Variants in CALN1 observed in about 807,000 individuals in gnomAD.
CALN1 encodes calneuron 1.
In CALN1, 17 loss-of-function variants were observed where a neutral mutation model predicts 30.6. The observed-to-expected ratio is 0.56, with a 90% CI of 0.38 to 0.83. The LOEUF (loss-of-function observed/expected upper bound fraction) is 0.83, where lower values mean the gene tolerates loss of function less well. Among genes scored for constraint, CALN1 ranks in the 40% least tolerant of loss-of-function variants. The pLI, the probability that CALN1 is intolerant of heterozygous loss-of-function variation, is 0.00. For synonymous variants in CALN1, 156 were observed against 131.4 expected (o/e 1.19, Z -1.28); for missense variants, 291 against 354.9 (o/e 0.82, Z 1.45).
At chr7:72,285,197 T>C (rs1798003834) in intron 2 of CALN1, among the ~76,000 whole-genome samples, 1 of 152,154 alleles carries the variant, frequency 6.6e-6, no homozygotes, top group Admixed American at 6.6e-5. Flanking sequence ...TTTTGTATAT[T>C]TTTGCTTCTT....
At chr7:72,459,984 T>C in the CALN1 span, among the ~76,000 whole-genome samples, 5 of 152,154 alleles carry the variant, frequency 3.3e-5, no homozygotes, top group East Asian at 5.8e-4. Flanking sequence ...ATAAGAAGCA[T>C]GGAGCCAACG....
At chr7:72,288,117 T>C (rs1208774547) in intron 2 of CALN1, among the ~76,000 whole-genome samples, 1 of 152,126 alleles carries the variant, frequency 6.6e-6, no homozygotes, top group African/African-American at 2.4e-5. Context: ...CTCCTCTGAT[T>C]GCGGTCAAGA....
intron 3 of CALN1, among the ~76,000 whole-genome samples, chr7:72,176,318 A>T (rs889751238): frequency 2.0e-5 from 3 of 152,200 alleles, no homozygotes; most frequent in South Asian, 2.1e-4. Context: ...GAATTCTGCA[A>T]GACTAGGCAT....
chr7:72,422,407 A>C (rs779704643), intron 1 of CALN1, among the ~76,000 whole-genome samples: 1 of 152,168 alleles, frequency 6.6e-6, no homozygotes, highest in Non-Finnish European at 1.5e-5. Context: ...GAGTAACCAC[A>C]AGCCCCCCTG....
At chr7:72,151,823 G>C (rs1268952130) in intron 3 of CALN1, among the ~76,000 whole-genome samples, 1 of 151,918 alleles carries the variant, frequency 6.6e-6, no homozygotes, top group Non-Finnish European at 1.5e-5. Context: ...GAGATCCTTT[G>C]ATCTCAGCCT....
At chr7:72,017,967 G>T (rs897637276) in intron 5 of CALN1, among the ~76,000 whole-genome samples, 4 of 152,124 alleles carry the variant, frequency 2.6e-5, no homozygotes, top group African/African-American at 9.7e-5. Flanking sequence ...TAACAGAAGT[G>T]TTGGCTGGCC....
At chr7:72,020,274 C>A (rs1319912575) in intron 5 of CALN1, among the ~76,000 whole-genome samples, 1 of 152,026 alleles carries the variant, frequency 6.6e-6, no homozygotes, top group Non-Finnish European at 1.5e-5. Context: ...GGGAAAGCAA[C>A]CTTTCTGCTT....
intron 3 of CALN1, among the ~76,000 whole-genome samples, chr7:72,125,659 A>G (rs931765975): frequency 5.9e-5 from 9 of 152,028 alleles, no homozygotes; most frequent in Admixed American, 2.6e-4. Context: ...TGTTACATGG[A>G]TAAGTTCTTT....
At chr7:71,842,283 C>T (rs866449855) in intron 5 of CALN1, among the ~76,000 whole-genome samples, 2 of 152,220 alleles carry the variant, frequency 1.3e-5, no homozygotes. Flanking sequence ...GCAATACTAT[C>T]CTGCCCTGCG....
intron 3 of CALN1, among the ~76,000 whole-genome samples, chr7:72,268,822 C>CACACACACACACAT (rs1796768895): frequency 6.6e-6 from 1 of 151,462 alleles, no homozygotes. Context: ...CACACACACA[C>CACACACACACACAT]ACACAGAACT....
chr7:72,192,033 T>G (rs1790646226), intron 3 of CALN1, among the ~76,000 whole-genome samples: 1 of 152,032 alleles, frequency 6.6e-6, no homozygotes, highest in African/African-American at 2.4e-5. Flanking sequence ...GCTTCCAGAG[T>G]GCACCTGAAT....
At chr7:72,497,474 G>A in the CALN1 span, among the ~76,000 whole-genome samples, 1 of 152,100 alleles carries the variant, frequency 6.6e-6, no homozygotes, top group Non-Finnish European at 1.5e-5. Flanking sequence ...ACAAACTTTA[G>A]AGTTAAAATC....
At chr7:72,396,258 G>GAAAGAAAAAA (rs1805942961) in intron 2 of CALN1, among the ~76,000 whole-genome samples, 8 of 109,700 alleles carry the variant, frequency 7.3e-5, no homozygotes, top group Non-Finnish European at 1.1e-4. Context: ...AAAAAAAAAA[G>GAAAGAAAAAA]AAAGAAAAAG....
chr7:72,232,902 G>T (rs1267659680), intron 3 of CALN1, among the ~76,000 whole-genome samples: 3 of 152,190 alleles, frequency 2.0e-5, no homozygotes, highest in Non-Finnish European at 2.9e-5. Flanking sequence ...ATTGGGTATA[G>T]TGATGACAGT....
At chr7:71,835,301 G>A (rs1789540108) in intron 5 of CALN1, among the ~76,000 whole-genome samples, 1 of 152,160 alleles carries the variant, frequency 6.6e-6, no homozygotes, top group African/African-American at 2.4e-5. Context: ...CCTTCTGTTT[G>A]TCTTACCAAA....
intron 3 of CALN1, among the ~76,000 whole-genome samples, chr7:72,257,414 C>T (rs2129552533): frequency 6.6e-6 from 1 of 151,990 alleles, no homozygotes; most frequent in Middle Eastern, 3.4e-3. Context: ...CAATGAGATG[C>T]CACCTTACTC....
chr7:72,023,411 T>C (rs901551500), intron 5 of CALN1, among the ~76,000 whole-genome samples: 3 of 152,222 alleles, frequency 2.0e-5, no homozygotes, highest in Admixed American at 1.3e-4. Context: ...CTTTTGTGAA[T>C]GTGCAGTAGA....
At chr7:72,312,981 T>C (rs962832958) in intron 2 of CALN1, among the ~76,000 whole-genome samples, 3 of 152,004 alleles carry the variant, frequency 2.0e-5, no homozygotes, top group Non-Finnish European at 4.4e-5. Context: ...ACTACAGGCA[T>C]ATGCCACCAT....
chr7:72,255,090 C>CTTTCT (rs113597863), intron 3 of CALN1, among the ~76,000 whole-genome samples: 53,822 of 151,174 alleles, frequency 0.36, 10,515 homozygotes, highest in Middle Eastern at 0.55. Context: ...CATGCCCGGC[C>CTTTCT]TTTCTTTTCT....
Sources: gnomAD v4.1 joint callset for allele counts (sites outside exome capture counted in the v4.1 genomes callset) on GRCh38, gnomAD v4.1.1 for gene constraint, MANE v1.5 for transcripts, NCBI Gene and HGNC (gene_info 2026-07-23, HGNC 2026-07-21) for gene names.